The following SORBS2 variants were observed in gnomAD, a reference collection of about 807,000 sequenced individuals.
SORBS2 encodes sorbin and SH3 domain-containing protein 2.
A neutral mutation model predicts 97.7 loss-of-function variants in SORBS2; 46 were observed. That is an observed-to-expected ratio of 0.47 (90% confidence interval 0.37 to 0.60). SORBS2 has a LOEUF of 0.60. SORBS2 is among the 20% of genes least tolerant of loss of function. The pLI is 0.00. For missense variants in SORBS2, 1,316 were observed against 1,282.3 expected (o/e 1.03, Z -0.40); for synonymous variants, 476 against 473.4 (o/e 1.01, Z -0.07).
chr4:185,801,846 C>T (rs952069852), intron 1 of SORBS2, among the ~76,000 whole-genome samples: 1 of 152,170 alleles, frequency 6.6e-6, no homozygotes. Flanking sequence ...ATGAGCACTT[C>T]CCTGAGCCTC....
intron 2 of SORBS2, among the ~76,000 whole-genome samples, chr4:185,681,266 T>C (rs2097862342): frequency 6.6e-6 from 1 of 152,190 alleles, no homozygotes; most frequent in African/African-American, 2.4e-5. Context: ...TAGTCTTCTA[T>C]GTGGACACTT....
intron 4 of SORBS2, among the ~76,000 whole-genome samples, chr4:185,667,687 G>GAT (rs887494705): frequency 0.015 from 106 of 7,124 alleles, no homozygotes; most frequent in African/African-American, 0.017. Flanking sequence ...TTTTAAATGT[G>GAT]ATATATATAT....
At chr4:185,646,675 T>C (rs1374042589) in exon 4 of SORBS2, 1 of 1,606,470 alleles carries the variant, frequency 6.2e-7, no homozygotes. Flanking sequence ...TACTGGTCTT[T>C]CATGCTGAAG....
intron 2 of SORBS2, among the ~76,000 whole-genome samples, chr4:185,746,641 T>C (rs1220766257): frequency 1.3e-5 from 2 of 152,054 alleles, no homozygotes; most frequent in Non-Finnish European, 2.9e-5. Flanking sequence ...GTTTCTTAGG[T>C]GGGAATGGAG....
intron 1 of SORBS2, among the ~76,000 whole-genome samples, chr4:185,927,374 T>C (rs1254260069): frequency 6.6e-6 from 1 of 151,974 alleles, no homozygotes; most frequent in African/African-American, 2.4e-5. Flanking sequence ...CACCTATCAA[T>C]CTGTCACCTA....
rs187229310 is a variant in SORBS2, at chr4:185,862,426, A to G, written c.-337-87060T>C. Among the ~76,000 whole-genome samples, 4 of 152,334 alleles carry G rather than the reference A, an allele frequency of 2.6e-5. No individual in the cohort carries two copies. The East Asian group carries it at 7.7e-4, about 29-fold the overall frequency. ...ACTTTGAGCAAATTGCATTTATTTTACAGTAAGGACTGTGAACTGGTGGGT... is the reference window on the plus strand; with the variant it reads ...ACTTTGAGCAAATTGCATTTATTTTGCAGTAAGGACTGTGAACTGGTGGGT... On this transcript the variant is annotated intron_variant, in intron 1 of 20. Transcript: ENST00000284776.
intron 2 of SORBS2, among the ~76,000 whole-genome samples, chr4:185,729,845 T>G (rs950069520): frequency 3.3e-5 from 5 of 152,190 alleles, no homozygotes; most frequent in South Asian, 2.1e-4. Context: ...GTAGAAGAAC[T>G]TTTGGCTCTA....
chr4:185,919,881 T>A (rs950960928), intron 1 of SORBS2, among the ~76,000 whole-genome samples: 3 of 152,262 alleles, frequency 2.0e-5, no homozygotes, highest in Non-Finnish European at 4.4e-5. Flanking sequence ...TGATGCTCAA[T>A]AATACATGGC....
intron 2 of SORBS2, among the ~76,000 whole-genome samples, chr4:185,690,877 G>A (rs975335046): frequency 1.4e-5 from 2 of 147,392 alleles, no homozygotes; most frequent in African/African-American, 5.0e-5. Flanking sequence ...AAATGGAGAC[G>A]TTTTGTGCTT....
chr4:185,628,342 A>G (rs1175587210), intron 5 of SORBS2, among the ~76,000 whole-genome samples: 2 of 151,306 alleles, frequency 1.3e-5, no homozygotes, highest in Non-Finnish European at 3.0e-5. Flanking sequence ...AAAAAAAAAA[A>G]GACATCAAGA....
At chr4:185,678,354 G>A (rs2097825288) in intron 4 of SORBS2, 69 bp downstream of exon 7, 1 of 1,276,178 alleles carries the variant, frequency 7.8e-7, no homozygotes, top group African/African-American at 1.5e-5. Flanking sequence ...CATTAGGAAA[G>A]AGGCTGTAAG....
intron 4 of SORBS2, among the ~76,000 whole-genome samples, chr4:185,663,278 A>T (rs1156636604): frequency 6.6e-6 from 1 of 152,224 alleles, no homozygotes; most frequent in Non-Finnish European, 1.5e-5. Flanking sequence ...TTAAAACAAA[A>T]CAAACTTCTA....
intron 1 of SORBS2, among the ~76,000 whole-genome samples, chr4:185,902,056 A>T (rs2099248059): frequency 6.6e-6 from 1 of 152,234 alleles, no homozygotes; most frequent in Non-Finnish European, 1.5e-5. Flanking sequence ...GATTATTGAT[A>T]AATCAGAACT....
chr4:185,763,185 T>TCAAAAACAAAAA (rs59643716), intron 2 of SORBS2, among the ~76,000 whole-genome samples: 1 of 151,400 alleles, frequency 6.6e-6, no homozygotes, highest in Non-Finnish European at 1.5e-5. Flanking sequence ...AGAGACTCTC[T>TCAAAAACAAAAA]CAAAAACAAA....
intron 1 of SORBS2, among the ~76,000 whole-genome samples, chr4:185,902,609 G>A (rs2099248302): frequency 1.3e-5 from 2 of 151,696 alleles, no homozygotes; most frequent in Admixed American, 1.3e-4. Context: ...CTGGAGAGAG[G>A]ATGGGGCAAA....
chr4:185,735,399 G>A (rs1399970847), intron 2 of SORBS2, among the ~76,000 whole-genome samples: 1 of 135,094 alleles, frequency 7.4e-6, no homozygotes, highest in East Asian at 2.2e-4. Context: ...TTTGCTTCTT[G>A]GCAGAATATT....
intron 2 of SORBS2, among the ~76,000 whole-genome samples, chr4:185,690,946 CCA>C (rs1345101841): frequency 3.9e-4 from 59 of 151,872 alleles, no homozygotes; most frequent in Non-Finnish European, 7.9e-4. Flanking sequence ...GTCGCCCAGG[CCA>C]CAGTGTAGTG....
At chr4:185,605,928 G>T in intron 12 of SORBS2, 1 of 228,762 alleles carries the variant, frequency 4.4e-6, no homozygotes, top group Non-Finnish European at 7.2e-6. Flanking sequence ...TGCCTTTGTT[G>T]ATTAAAACCA....
At chr4:185,725,717 A>G (rs1244475434) in intron 2 of SORBS2, among the ~76,000 whole-genome samples, 1 of 152,168 alleles carries the variant, frequency 6.6e-6, no homozygotes, top group African/African-American at 2.4e-5. Flanking sequence ...TTATTTTATC[A>G]AATAAATTAT....
Sources: gnomAD v4.1 joint callset for allele counts (sites outside exome capture counted in the v4.1 genomes callset) on GRCh38, gnomAD v4.1.1 for gene constraint, MANE v1.5 for transcripts, NCBI Gene and HGNC (gene_info 2026-07-23, HGNC 2026-07-21) for gene names.